The following PLCE1 variants were observed in gnomAD, a reference collection of about 807,000 sequenced individuals.
PLCE1 encodes the protein phospholipase C epsilon 1, also known as 1-phosphatidylinositol 4,5-bisphosphate phosphodiesterase epsilon-1.
Under a neutral mutation model 242.8 loss-of-function variants are expected in PLCE1, and 119 were observed. The observed-to-expected ratio is 0.49, with a 90% CI of 0.42 to 0.57. The LOEUF is 0.57. Among genes scored for constraint, PLCE1 ranks in the 20% least tolerant of loss-of-function variants. The pLI is 0.00. For missense variants in PLCE1, 2,441 were observed against 2,788.8 expected, an observed-to-expected ratio of 0.88 and a Z score of 2.81; for synonymous variants, 945 against 1,017.4, an observed-to-expected ratio of 0.93 and a Z score of 1.35.
At chr10:94,069,115 G>A (rs992816067) in intron 2 of PLCE1, among the ~76,000 whole-genome samples, 1 of 152,332 alleles carries the variant, frequency 6.6e-6, no homozygotes, top group African/African-American at 2.4e-5. Flanking sequence ...TTTGCCCTAA[G>A]TCCTAGCCTA....
chr10:94,148,934 A>T (rs758019624), intron 3 of PLCE1, among the ~76,000 whole-genome samples: 26 of 152,150 alleles, frequency 1.7e-4, no homozygotes, highest in Non-Finnish European at 3.1e-4. Flanking sequence ...GTCTGAGAAG[A>T]GTTGGCTGCC....
At chr10:94,292,986 C>A (rs569062354) in intron 22 of PLCE1, among the ~76,000 whole-genome samples, 102 of 152,350 alleles carry the variant, frequency 6.7e-4, no homozygotes, top group African/African-American at 2.3e-3. Flanking sequence ...ACATCATTAT[C>A]ACCATATTTC....
chr10:94,055,795 G>T (rs992730744), intron 2 of PLCE1, among the ~76,000 whole-genome samples: 1 of 152,156 alleles, frequency 6.6e-6, no homozygotes, highest in Non-Finnish European at 1.5e-5. Context: ...AGGGCCCAAC[G>T]TAATGAGTAA....
intron 1 of PLCE1, among the ~76,000 whole-genome samples, 28 bp downstream of exon 1, chr10:93,994,286 C>T (rs1476378855): frequency 2.0e-5 from 3 of 152,216 alleles, no homozygotes; most frequent in Non-Finnish European, 4.4e-5. Context: ...TAGCTCGGTT[C>T]CTGAGGACTG....
At chr10:94,038,340 G>A (rs529375284) in intron 2 of PLCE1, among the ~76,000 whole-genome samples, 1 of 152,284 alleles carries the variant, frequency 6.6e-6, no homozygotes, top group South Asian at 2.1e-4. Context: ...TTAGACAGCG[G>A]TGCTGGGCTT....
At chr10:94,288,471 C>T (rs149897929) in intron 22 of PLCE1, among the ~76,000 whole-genome samples, 1 of 152,310 alleles carries the variant, frequency 6.6e-6, no homozygotes, top group East Asian at 1.9e-4. Flanking sequence ...TTGTTTACTA[C>T]ACTTGCTGAA....
At chr10:94,129,801 G>C (rs964170994) in intron 2 of PLCE1, among the ~76,000 whole-genome samples, 6 of 152,080 alleles carry the variant, frequency 3.9e-5, no homozygotes, top group African/African-American at 1.4e-4. Context: ...AAGCATCAAG[G>C]GGTGCCCTCC....
chr10:94,196,977 CT>C (rs1319156433), intron 4 of PLCE1, among the ~76,000 whole-genome samples: 1 of 152,158 alleles, frequency 6.6e-6, no homozygotes, highest in Non-Finnish European at 1.5e-5. Context: ...CACATACCCA[CT>C]AGCAGTCACT....
At chr10:94,199,596 T>C (rs17109833) in intron 4 of PLCE1, among the ~76,000 whole-genome samples, 3,412 of 152,336 alleles carry the variant, frequency 0.022, 104 homozygotes, top group African/African-American at 0.071. Context: ...CCCCTACATC[T>C]TGGCAAAATA....
intron 4 of PLCE1, among the ~76,000 whole-genome samples, chr10:94,218,505 A>G (rs1309886305): frequency 6.6e-6 from 1 of 152,062 alleles, no homozygotes; most frequent in Non-Finnish European, 1.5e-5. Context: ...ATGTGTAGAT[A>G]AAATAAAATG....
chr10:94,165,899 A>T (rs537709663), intron 3 of PLCE1, among the ~76,000 whole-genome samples: 3 of 151,900 alleles, frequency 2.0e-5, no homozygotes, highest in African/African-American at 7.2e-5. Context: ...TAGAGACGGG[A>T]TTTCACCACG....
rs1439230479 is a variant in PLCE1 at position 94,227,142 on chromosome 10, G to C, written c.1810-164G>C. 6.1e-6 allele frequency: 4 copies of C among 654,426 alleles called. No homozygotes were observed. The East Asian group carries it at 1.2e-4, about 20-fold the overall frequency. The allele number at this position is 654,426 out of a possible 1,614,324, so 40.5% of individuals were successfully genotyped here. Reference sequence around the variant, plus strand: ...TTCGCCCACCTCAGCCTCCCAAAGTGCTGGGATTACAGGCGTGAACCACCA... The same window carrying C: ...TTCGCCCACCTCAGCCTCCCAAAGTCCTGGGATTACAGGCGTGAACCACCA... On this transcript the variant is annotated intron_variant, in intron 4 of 32. Transcript: ENST00000371380.
intron 5 of PLCE1, among the ~76,000 whole-genome samples, chr10:94,232,249 A>T (rs1377070902): frequency 6.6e-6 from 1 of 152,132 alleles, no homozygotes; most frequent in Non-Finnish European, 1.5e-5. Context: ...ATGTCTTTGG[A>T]TGTCTTATAT....
intron 2 of PLCE1, among the ~76,000 whole-genome samples, chr10:94,088,463 C>T (rs1396087544): frequency 6.6e-6 from 1 of 152,212 alleles, no homozygotes; most frequent in Non-Finnish European, 1.5e-5. Flanking sequence ...TCTCCTGTTT[C>T]ACCCCAACCA....
At chr10:93,997,484 A>G (rs1213904484) in intron 1 of PLCE1, among the ~76,000 whole-genome samples, 1 of 152,150 alleles carries the variant, frequency 6.6e-6, no homozygotes, top group Non-Finnish European at 1.5e-5. Flanking sequence ...TGAAGCAACG[A>G]AAGGTCAAGT....
chr10:94,044,914 G>A (rs1170594938), intron 2 of PLCE1, among the ~76,000 whole-genome samples: 1 of 152,192 alleles, frequency 6.6e-6, no homozygotes, highest in Non-Finnish European at 1.5e-5. Context: ...TCAGGTGAAT[G>A]CTTTTCTACA....
Position 94,306,666 on chromosome 10 carries a change from T to C in PLCE1, c.5862T>C (p.Ile1954=). ...CAGCGGTAACTGCTCAGAGAATCATTCCACTGAAAGCTTTAAAACGAGGTA... is the reference window on the plus strand; with the variant it reads ...CAGCGGTAACTGCTCAGAGAATCATCCCACTGAAAGCTTTAAAACGAGGTA... The part of the protein sequence containing the change: ...NSSAVTAQRI[I]PLKALKRGYR... Residue 1954 remains isoleucine, a synonymous_variant, in exon 26 of 33, where the codon ATT becomes ATC. Coordinates refer to ENST00000371380, the MANE Select transcript of PLCE1 (RefSeq NM_016341.4). This position sits in a 1 kb window ranked among gnomAD's most constrained non-coding sequence, Gnocchi z 5.7. 1.2e-6 allele frequency: 2 copies of C among 1,613,986 alleles called. No individual in the cohort carries two copies. Among genetic ancestry groups the C allele is most frequent in the Non-Finnish European group, 1.7e-6 (2 of 1,179,870 alleles).
At chr10:94,313,181 C>T (rs942470902) in intron 27 of PLCE1, 73 bp from the exon 28 acceptor site, 15 of 1,559,666 alleles carry the variant, frequency 9.6e-6, no homozygotes, top group Non-Finnish European at 1.2e-5. Flanking sequence ...TAAGTACTAG[C>T]ACCTCTGTAT....
chr10:94,022,890 G>A (rs1197508294), intron 1 of PLCE1, among the ~76,000 whole-genome samples: 1 of 152,050 alleles, frequency 6.6e-6, no homozygotes, highest in East Asian at 1.9e-4. Context: ...GAAAGGAAAG[G>A]GTCAAATGTT....
Sources: allele counts gnomAD v4.1 joint callset (sites outside exome capture counted in the v4.1 genomes callset), GRCh38; gene constraint gnomAD v4.1.1; non-coding constraint Gnocchi (gnomAD v3.1); transcripts MANE v1.5; gene names NCBI Gene and HGNC (gene_info 2026-07-23, HGNC 2026-07-21).